The following UBE4B variants were observed in gnomAD, a reference collection of about 807,000 sequenced individuals.
UBE4B encodes ubiquitin conjugation factor E4 B.
UBE4B carries 27 observed loss-of-function variants against 148.1 expected under a neutral mutation model. The ratio of observed to expected loss-of-function variants is 0.18; its 90% CI spans 0.13 to 0.25. UBE4B has a LOEUF of 0.25. Ranked by LOEUF, UBE4B falls within the 10% of genes least tolerant of loss-of-function variation. UBE4B has a pLI of 1.00. For synonymous variants in UBE4B, 596 were observed against 619.3 expected (o/e 0.96, Z 0.56); for missense variants, 1,170 against 1,662.4 (o/e 0.70, Z 5.15).
In UBE4B at chr1:10,135,225, C is replaced by T. The variant is rs149377085; in HGVS notation, c.2224+39C>T. Reference sequence around the variant, plus strand: ...TCGTGACTCGGTCATTAAAACACTGCCCTCTTGTCTGTGTGCTAGTAGTTC... The same window carrying T: ...TCGTGACTCGGTCATTAAAACACTGTCCTCTTGTCTGTGTGCTAGTAGTTC... On this transcript the variant is annotated intron_variant, in intron 16 of 27. Coordinates refer to ENST00000343090, the MANE Select transcript of UBE4B (RefSeq NM_001105562.3). The T allele has an allele frequency of 9.8e-4, 1,528 of 1,562,490 alleles. 12 individuals are homozygous for T. The African/African-American group carries it at 0.017, about 17-fold the overall frequency.
At chr1:10,179,612 A>G in intron 27 of UBE4B, 50 bp downstream of exon 27, 3 of 1,601,324 alleles carry the variant, frequency 1.9e-6, no homozygotes, top group Non-Finnish European at 2.5e-6. Flanking sequence ...GTACCAAGAG[A>G]TAAAGCCCAA....
chr1:10,151,494 T>C lies in UBE4B; in HGVS notation c.2859T>C (p.Phe953=). ...TTCAGCCACGAACCCAGAAGTTTTTTGAAATGATTGAGAACCATCCTCTCT... is the reference window on the plus strand; with the variant it reads ...TTCAGCCACGAACCCAGAAGTTTTTCGAAATGATTGAGAACCATCCTCTCT... ...PAVQPRTQKF[F]EMIENHPLST... Residue 953 remains phenylalanine, a synonymous_variant, in exon 21 of 28, where the codon TTT becomes TTC. Coordinates refer to ENST00000343090, the MANE Select transcript of UBE4B (RefSeq NM_001105562.3). 1.2e-6 allele frequency: 2 copies of C among 1,614,176 alleles called. No homozygotes were observed. The highest frequency in any genetic ancestry group is 2.2e-5 in the South Asian group (2 of 91,090).
In UBE4B at chr1:10,106,712, C is replaced by T. The variant is rs575691417; in HGVS notation, c.1196+129C>T. On this transcript the variant is annotated intron_variant, in intron 7 of 27. Coordinates refer to ENST00000343090, the MANE Select transcript of UBE4B (RefSeq NM_001105562.3). The surrounding 1 kb of genome is among the most constrained non-coding windows in gnomAD (Gnocchi z 4.2). The stretch of plus-strand genomic sequence containing the variant: ...TGTTTTGGGTTATTAACCTGTGTGG[C>T]TAACTAGTTTGGTAGGCACGTACTC... The T allele has an allele frequency of 9.4e-6, 12 of 1,270,242 alleles. No homozygotes were observed. In the South Asian group the frequency reaches 2.1e-4, roughly 22 times the overall value. The allele number at this position is 1,270,242 out of a possible 1,614,324, so 78.7% of individuals were successfully genotyped here.
At chr1:10,071,435 T>A (rs968706430) in intron 1 of UBE4B, among the ~76,000 whole-genome samples, 3 of 151,934 alleles carry the variant, frequency 2.0e-5, no homozygotes, top group Admixed American at 6.6e-5. Flanking sequence ...TTAAAAAAAA[T>A]TAATTAGCTG....
intron 1 of UBE4B, among the ~76,000 whole-genome samples, chr1:10,046,977 G>A (rs912791947): frequency 1.3e-5 from 2 of 152,114 alleles, no homozygotes; most frequent in African/African-American, 4.8e-5. Flanking sequence ...TGTATTGTTC[G>A]ACCAGTTCCC....
chr1:10,115,223 T>C (rs1388365369), intron 7 of UBE4B, among the ~76,000 whole-genome samples: 1 of 151,288 alleles, frequency 6.6e-6, no homozygotes, highest in African/African-American at 2.4e-5. Flanking sequence ...TGACCTCAAG[T>C]GATCTGCCCG....
At chr1:10,165,237 C>T (rs1168404354) in intron 23 of UBE4B, among the ~76,000 whole-genome samples, 2 of 152,124 alleles carry the variant, frequency 1.3e-5, no homozygotes, top group South Asian at 4.1e-4. Context: ...CAGTAAATGG[C>T]GCCTTCATTC....
At chr1:10,071,620 A>G (rs1644485846) in intron 1 of UBE4B, among the ~76,000 whole-genome samples, 1 of 152,164 alleles carries the variant, frequency 6.6e-6, no homozygotes, top group Non-Finnish European at 1.5e-5. Context: ...TAAATTCGCC[A>G]TGTCAGCCAA....
At chr1:10,037,535 A>G (rs1643586573) in intron 1 of UBE4B, among the ~76,000 whole-genome samples, 1 of 152,036 alleles carries the variant, frequency 6.6e-6, no homozygotes. Flanking sequence ...TGTTTTTCGT[A>G]TCTCAAGGTG....
chr1:10,095,652 CAT>C, intron 3 of UBE4B, 56 bp downstream of exon 3: 1 of 1,607,306 alleles, frequency 6.2e-7, no homozygotes, highest in Middle Eastern at 1.7e-4. Context: ...GAGAAAGATC[CAT>C]TCACTTTAGC....
chr1:10,091,615 T>G (rs964499758), intron 2 of UBE4B, among the ~76,000 whole-genome samples: 1 of 151,208 alleles, frequency 6.6e-6, no homozygotes, highest in South Asian at 2.1e-4. Flanking sequence ...TAATTTTTAT[T>G]TTTTTTTTAA....
intron 1 of UBE4B, chr1:10,054,666 G>A: frequency 3.8e-6 from 1 of 265,770 alleles, no homozygotes; most frequent in Non-Finnish European, 7.4e-6. Flanking sequence ...TTACTACAAT[G>A]CCAGCAGCAT....
chr1:10,166,311 T>A (rs1646245032), intron 23 of UBE4B: 1 of 152,232 alleles, frequency 6.6e-6, no homozygotes, highest in Admixed American at 6.6e-5. Context: ...CCCCAGCCCA[T>A]GGCAGAGTTG....
chr1:10,057,556 C>A (rs551608579), intron 1 of UBE4B, among the ~76,000 whole-genome samples: 1 of 151,178 alleles, frequency 6.6e-6, no homozygotes, highest in East Asian at 2.0e-4. Context: ...AGGCACACAC[C>A]ACCATGCCAG....
At chr1:10,160,255 G>A (rs1476775618) in intron 22 of UBE4B, among the ~76,000 whole-genome samples, 1 of 152,106 alleles carries the variant, frequency 6.6e-6, no homozygotes, top group African/African-American at 2.4e-5. Flanking sequence ...AATATTACAG[G>A]TTCCAATTTT....
chr1:10,035,402 T>TG (rs1474997190), intron 1 of UBE4B, among the ~76,000 whole-genome samples: 2 of 136,418 alleles, frequency 1.5e-5, no homozygotes, highest in East Asian at 2.1e-4. Context: ...TTTTTTTTTT[T>TG]TTTTTTTTTT....
intron 25 of UBE4B, among the ~76,000 whole-genome samples, chr1:10,178,262 T>G (rs972563111): frequency 1.3e-5 from 2 of 152,070 alleles, no homozygotes; most frequent in African/African-American, 4.8e-5. Flanking sequence ...CAGGGCACAG[T>G]GCCCCCCAAG....
At chr1:10,098,076 G>A (rs1644956992) in intron 3 of UBE4B, among the ~76,000 whole-genome samples, 1 of 152,076 alleles carries the variant, frequency 6.6e-6, no homozygotes, top group African/African-American at 2.4e-5. Context: ...TCACCATATT[G>A]GCCAGGCTGG....
intron 9 of UBE4B, among the ~76,000 whole-genome samples, chr1:10,121,315 A>G (rs866582283): frequency 6.6e-6 from 1 of 152,198 alleles, no homozygotes; most frequent in African/African-American, 2.4e-5. Context: ...AAATTGCGCC[A>G]CCATACTCCA....
Sources: gnomAD v4.1 joint callset for allele counts (sites outside exome capture counted in the v4.1 genomes callset) on GRCh38, gnomAD v4.1.1 for gene constraint, Gnocchi (gnomAD v3.1) non-coding constraint, MANE v1.5 for transcripts, NCBI Gene and HGNC (gene_info 2026-07-23, HGNC 2026-07-21) for gene names.